The following FBRSL1 variants were observed in gnomAD, a reference collection of about 807,000 sequenced individuals.
FBRSL1 encodes fibrosin-1-like protein.
In FBRSL1, 51 loss-of-function variants were observed where a neutral mutation model predicts 89.6. The observed-to-expected ratio is 0.57, with a 90% CI of 0.45 to 0.72. FBRSL1 has a LOEUF of 0.72. Ranked by LOEUF, FBRSL1 falls within the 30% of genes least tolerant of loss-of-function variation. The pLI is 0.00. For synonymous variants in FBRSL1, 779 were observed against 681.1 expected, an observed-to-expected ratio of 1.14 and a Z score of -2.24; for missense variants, 1,618 against 1,451.8, an observed-to-expected ratio of 1.11 and a Z score of -1.86.
chr12:132,511,380 C>T, intron 2 of FBRSL1: 10 of 985,828 alleles, frequency 1.0e-5, no homozygotes, highest in Non-Finnish European at 1.2e-5. Context: ...TACAAGGCTA[C>T]CCCTGGGCCC....
intron 11 of FBRSL1, among the ~76,000 whole-genome samples, chr12:132,573,337 G>C (rs113458301): frequency 5.2e-4 from 79 of 152,212 alleles, no homozygotes; most frequent in African/African-American, 1.9e-3. Flanking sequence ...GCACCCCTGG[G>C]CTCCCCTGGG....
At chr12:132,524,577 T>C (rs1305333714) in intron 2 of FBRSL1, among the ~76,000 whole-genome samples, 1 of 152,192 alleles carries the variant, frequency 6.6e-6, no homozygotes, top group East Asian at 1.9e-4. Flanking sequence ...TTCCCCGGGC[T>C]GGGGCGTGCT....
At position 132,525,732 on chromosome 12, in the gene FBRSL1, A is replaced by C. The variant is rs1302789114; in HGVS notation, c.490-2A>C. ...CTGAGACAGTGTCTCTCTCTGTCCC[A>C]GATGAAGGTCACCGTGTCCAAAGGG... On this transcript the variant is annotated splice_acceptor_variant, in intron 2 of 18. Transcript: ENST00000680143. LOFTEE classifies it high-confidence loss of function. 16 of 1,548,424 alleles carry C rather than the reference A, an allele frequency of 1.0e-5. No homozygotes were observed. The highest frequency in any genetic ancestry group is 1.7e-4 in the Middle Eastern group (1 of 6,002).
Position 132,499,238 on chromosome 12 carries a change from G to A in FBRSL1, c.291+8377G>A, listed in dbSNP as rs1245073592. On this transcript the variant is annotated intron_variant, in intron 1 of 18. Coordinates refer to ENST00000680143, the MANE Select transcript of FBRSL1 (RefSeq NM_001367871.1). The surrounding 1 kb of genome is among the most constrained non-coding windows in gnomAD (Gnocchi z 4.3). Reference sequence around the variant, plus strand: ...GATGGTGCCGGGCAGGGGTGGTGCCGGGCAGGGGTGGTGCTGGACCTCTGG... The same window carrying A: ...GATGGTGCCGGGCAGGGGTGGTGCCAGGCAGGGGTGGTGCTGGACCTCTGG... Among the ~76,000 whole-genome samples the A allele has an allele frequency of 2.0e-5, 3 of 152,094 alleles. No homozygotes were observed. The highest frequency in any genetic ancestry group is 2.9e-5 in the Non-Finnish European group (2 of 68,000).
rs2040770747 is a variant in FBRSL1 at position 132,581,819 on chromosome 12, C to T, written c.1991C>T (p.Ala664Val). ...GCCTTTGGGGGCCTGGGCAGCCATG[C>T]ACTGGGTGAGTGACCCAGCCTGTGC... ...SHAFGGLGSH[A>V]LAPGGSIFAP... Residue 664 changes from alanine to valine, a missense_variant, in exon 17 of 19, where the codon GCA becomes GTA. Ala to Val is a moderately conservative substitution (Grantham distance 64). Coordinates refer to ENST00000680143, the MANE Select transcript of FBRSL1 (RefSeq NM_001367871.1). The T allele has an allele frequency of 6.5e-7, 1 of 1,545,838 alleles. No homozygotes were observed. Among genetic ancestry groups the T allele is most frequent in the Non-Finnish European group, 8.7e-7 (1 of 1,144,626 alleles).
chr12:132,552,975 C>G (rs1282547458), intron 5 of FBRSL1: 1 of 152,972 alleles, frequency 6.5e-6, no homozygotes, highest in Non-Finnish European at 1.5e-5. Context: ...AGCCAGCGGC[C>G]CAGGCTGCGC....
chr12:132,570,200 G>A lies in FBRSL1; in HGVS notation c.966G>A (p.Ala322=), dbSNP rs983981809. ...THVPASLGAF[A]GHSQAAANGL... ...TGCCTGCATCCCTGGGCGCCTTCGC[G>A]GGCCACAGCCAGGCGGCAGCCAACG... The change falls in exon 7 of 19, where the codon GCG becomes GCA. Residue 322 remains alanine, a synonymous_variant. Coordinates refer to ENST00000680143, the MANE Select transcript of FBRSL1 (RefSeq NM_001367871.1). 42 of 1,504,468 alleles carry A rather than the reference G, an allele frequency of 2.8e-5. No homozygotes were observed. Among genetic ancestry groups the A allele is most frequent in the Middle Eastern group, 1.8e-4 (1 of 5,432 alleles). The allele number at this position is 1,504,468 out of a possible 1,614,324, so 93.2% of individuals were successfully genotyped here.
intron 5 of FBRSL1, chr12:132,551,126 C>T (rs2038123361): frequency 2.9e-6 from 1 of 343,826 alleles, no homozygotes; most frequent in African/African-American, 2.1e-5. Context: ...GCCCTGCAGG[C>T]TCCAGATGGC....
Position 132,581,471 on chromosome 12 carries a change from C to T in FBRSL1, c.1867C>T (p.Pro623Ser), listed in dbSNP as rs2040741983. 1 of 1,551,116 alleles carries T rather than the reference C, an allele frequency of 6.4e-7. No individual in the cohort carries two copies. The highest frequency in any genetic ancestry group is 8.7e-7 in the Non-Finnish European group (1 of 1,146,938). Reference sequence around the variant, plus strand: ...CCATCCTGCCTCCAACCCATTTGGACCCTCAGCCCATCCTGGCAGCTTCCT... The same window carrying T: ...CCATCCTGCCTCCAACCCATTTGGATCCTCAGCCCATCCTGGCAGCTTCCT... Reference protein sequence around the residue: ...AAHPASNPFGPSAHPGSFLPT... With the variant: ...AAHPASNPFGSSAHPGSFLPT... The change falls in exon 16 of 19, where the codon CCC becomes TCC. Residue 623 changes from proline (P) to serine (S), a missense_variant. By Grantham distance (74) the Pro-to-Ser change is moderately conservative. Coordinates refer to ENST00000680143, the MANE Select transcript of FBRSL1 (RefSeq NM_001367871.1).
At chr12:132,501,398 G>T (rs2032936198) in intron 1 of FBRSL1, among the ~76,000 whole-genome samples, 1 of 152,216 alleles carries the variant, frequency 6.6e-6, no homozygotes, top group African/African-American at 2.4e-5. Flanking sequence ...AAGAGGCTCT[G>T]TGTGTCCCAG....
intron 18 of FBRSL1, 92 bp downstream of exon 18, chr12:132,582,358 CCT>C: frequency 2.8e-6 from 3 of 1,077,984 alleles, no homozygotes; most frequent in Non-Finnish European, 4.0e-6. Flanking sequence ...TCCCCCGTTC[CCT>C]CTTCTCCCCG....
chr12:132,495,326 G>C lies in FBRSL1; in HGVS notation c.291+4465G>C, dbSNP rs902604622. ...GGGGCGGGGCTGGGCCCGGCCTGCC[G>C]AGCACCGCGTGTGGGGCCTGACAGT... On this transcript the variant is annotated intron_variant, in intron 1 of 18. Transcript: ENST00000680143. Among the ~76,000 whole-genome samples the C allele has an allele frequency of 5.9e-5, 9 of 152,294 alleles. 1 individual carries two copies. The highest frequency in any genetic ancestry group is 1.2e-4 in the Non-Finnish European group (8 of 68,024).
chr12:132,576,175 G>C (rs1056382257), intron 14 of FBRSL1, among the ~76,000 whole-genome samples: 2 of 142,096 alleles, frequency 1.4e-5, no homozygotes, highest in Admixed American at 1.4e-4. Flanking sequence ...ACTTGGGCAC[G>C]TGAGCATGCT....
rs1348442759 is a variant in FBRSL1 at position 132,572,309 on chromosome 12, C to A, written c.1399C>A (p.Leu467Met). The change falls in exon 10 of 19, where the codon CTG (leucine) becomes ATG (methionine). Residue 467 changes from leucine to methionine, a missense_variant. Transcript: ENST00000680143. ...ECQFDKYAPK[L>M]DSPYFRHSSV... ...CCAGTTTGACAAGTATGCGCCCAAG[C>A]TGGACAGCCCCTACTTCCGACATTC... 1 of 1,551,070 alleles carries A rather than the reference C, an allele frequency of 6.4e-7. No homozygotes were observed. Among genetic ancestry groups the A allele is most frequent in the African/African-American group, 1.4e-5 (1 of 73,044 alleles).
At chr12:132,519,375 C>T (rs531543340) in intron 2 of FBRSL1, among the ~76,000 whole-genome samples, 13 of 152,276 alleles carry the variant, frequency 8.5e-5, no homozygotes, top group East Asian at 3.9e-4. Context: ...AGCCATACTG[C>T]GTGGTGTTAG....
At chr12:132,496,228 C>T (rs184005285) in intron 1 of FBRSL1, among the ~76,000 whole-genome samples, 3 of 152,370 alleles carry the variant, frequency 2.0e-5, no homozygotes, top group Admixed American at 1.3e-4. Flanking sequence ...ACCCTCCTTC[C>T]CCACTAGGCT....
chr12:132,583,686 C>T lies in FBRSL1; in HGVS notation c.2917C>T (p.Arg973Trp), dbSNP rs2040956099. 2 of 1,156,936 alleles carry T rather than the reference C, an allele frequency of 1.7e-6. No individual in the cohort carries two copies. The highest frequency in any genetic ancestry group is 3.9e-5 in the East Asian group (1 of 25,394). The allele number at this position is 1,156,936 out of a possible 1,614,324, so 71.7% of individuals were successfully genotyped here. ...AGPPTPPGPPRSRTTPLGGLG... is the reference protein window; with the variant it reads ...AGPPTPPGPPWSRTTPLGGLG... ...GCCCCCCACGCCCCCCGGGCCGCCG[C>T]GGAGCCGGACTACTCCGCTGGGGGG... Residue 973 changes from arginine to tryptophan, a missense_variant, in exon 19 of 19, where the codon CGG becomes TGG. Arg to Trp is a moderately radical substitution (Grantham distance 101). Coordinates refer to ENST00000680143, the MANE Select transcript of FBRSL1 (RefSeq NM_001367871.1).
intron 9 of FBRSL1, 46 bp from the exon 10 acceptor site, chr12:132,572,242 C>A (rs1051899284): frequency 6.5e-7 from 1 of 1,528,462 alleles, no homozygotes; most frequent in South Asian, 1.2e-5. Flanking sequence ...GGCCCAGCAA[C>A]GGTGTCGTGT....
chr12:132,514,206 CAGAG>C (rs978972718), intron 2 of FBRSL1, among the ~76,000 whole-genome samples: 5 of 152,052 alleles, frequency 3.3e-5, no homozygotes, highest in African/African-American at 1.2e-4. Context: ...GGCAAAGACA[CAGAG>C]GGCATGAGTG....
Sources: allele counts gnomAD v4.1 joint callset (sites outside exome capture counted in the v4.1 genomes callset), GRCh38; gene constraint gnomAD v4.1.1; non-coding constraint Gnocchi (gnomAD v3.1); transcripts MANE v1.5; gene names NCBI Gene and HGNC (gene_info 2026-07-23, HGNC 2026-07-21).